Variants in CHST11 observed in about 807,000 individuals in gnomAD.
CHST11 encodes carbohydrate sulfotransferase 11, also known as C4S-1.
In CHST11, 9 loss-of-function variants were observed where a neutral mutation model predicts 30.4. The ratio of observed to expected loss-of-function variants is 0.30; its 90% CI spans 0.18 to 0.52. The LOEUF (loss-of-function observed/expected upper bound fraction) is 0.52. Ranked by LOEUF, CHST11 falls within the 20% of genes least tolerant of loss-of-function variation. The probability of loss-of-function intolerance (pLI) is 0.97; values close to 1 mark genes in which losing one functional copy is unlikely to be tolerated. For missense variants in CHST11, 348 were observed against 460.6 expected (o/e 0.76, Z 2.24); for synonymous variants, 152 against 187.8 (o/e 0.81, Z 1.56).
At chr12:104,512,949 T>C (rs184520118) in intron 1 of CHST11, among the ~76,000 whole-genome samples, 12 of 152,130 alleles carry the variant, frequency 7.9e-5, no homozygotes, top group African/African-American at 2.9e-4. Flanking sequence ...GCCTTAAAAA[T>C]TCCCCAGCAA....
chr12:104,642,300 A>G (rs2039384838), intron 2 of CHST11, among the ~76,000 whole-genome samples: 1 of 152,232 alleles, frequency 6.6e-6, no homozygotes, highest in Admixed American at 6.5e-5. Flanking sequence ...CTCATGAGAC[A>G]TACATGAAAA....
At position 104,486,064 on chromosome 12, in the gene CHST11, G is replaced by A. The variant is rs528433003; in HGVS notation, c.118+28535G>A. On this transcript the variant is annotated intron_variant, in intron 1 of 2. Coordinates refer to ENST00000303694, the MANE Select transcript of CHST11 (RefSeq NM_018413.6). The stretch of plus-strand genomic sequence containing the variant: ...TGCCTGTGTGTGTGTGCCCATCTTC[G>A]TCTTCCTTCCCCTCCCAGCCTTCCC... Among the ~76,000 whole-genome samples, 7 of 152,258 alleles carry A rather than the reference G, an allele frequency of 4.6e-5. No homozygotes were observed. The South Asian group carries it at 6.2e-4, about 14-fold the overall frequency.
At chr12:104,587,147 C>A (rs1381615292) in intron 1 of CHST11, among the ~76,000 whole-genome samples, 1 of 152,132 alleles carries the variant, frequency 6.6e-6, no homozygotes, top group African/African-American at 2.4e-5. Context: ...ACTGTGATGA[C>A]AGTGGTATAC....
chr12:104,509,477 G>A (rs1278037101), intron 1 of CHST11, among the ~76,000 whole-genome samples: 1 of 152,140 alleles, frequency 6.6e-6, no homozygotes, highest in Non-Finnish European at 1.5e-5. Flanking sequence ...TGAGTCTCCT[G>A]TTTTCCCCTA....
chr12:104,706,998 G>A (rs1302946962), intron 2 of CHST11, among the ~76,000 whole-genome samples: 3 of 152,194 alleles, frequency 2.0e-5, no homozygotes, highest in East Asian at 3.9e-4. Flanking sequence ...CGGGACAGTC[G>A]TCCTCCCACC....
intron 1 of CHST11, among the ~76,000 whole-genome samples, chr12:104,485,973 C>T (rs1026224567): frequency 2.6e-5 from 4 of 152,180 alleles, no homozygotes; most frequent in Non-Finnish European, 5.9e-5. Context: ...CATAAGTCAT[C>T]GCACCATTCT....
intron 1 of CHST11, among the ~76,000 whole-genome samples, chr12:104,572,748 C>T (rs988151703): frequency 2.0e-5 from 3 of 152,038 alleles, no homozygotes; most frequent in Admixed American, 1.3e-4. Flanking sequence ...TATTTCTTGC[C>T]TTCTGCTAGC....
intron 2 of CHST11, among the ~76,000 whole-genome samples, chr12:104,679,209 A>G (rs1245883060): frequency 6.6e-6 from 1 of 152,194 alleles, no homozygotes; most frequent in Non-Finnish European, 1.5e-5. Flanking sequence ...CAAGATTCCA[A>G]CCCAGAAAGT....
intron 2 of CHST11, among the ~76,000 whole-genome samples, chr12:104,746,475 C>T (rs1013104660): frequency 7.2e-5 from 11 of 152,190 alleles, no homozygotes; most frequent in Admixed American, 1.3e-4. Context: ...CTGAGGCTGG[C>T]TTGGGGGCTG....
At chr12:104,660,414 C>A (rs2039588541) in intron 2 of CHST11, among the ~76,000 whole-genome samples, 1 of 152,200 alleles carries the variant, frequency 6.6e-6, no homozygotes. Flanking sequence ...GATGGCAGAG[C>A]CACCGTCTTG....
chr12:104,495,265 C>T (rs1859574335), intron 1 of CHST11, among the ~76,000 whole-genome samples: 1 of 152,134 alleles, frequency 6.6e-6, no homozygotes, highest in Non-Finnish European at 1.5e-5. Context: ...GTTGTGGATA[C>T]TGCTGCTGTG....
chr12:104,761,464 T>TACACACACACACACACACACACACACAC lies in CHST11; in HGVS notation c.*3671_*3698dup, dbSNP rs140486952. Reference sequence around the variant, plus strand: ...CTTGCTTTCCTAGCCAGTCCTCCCCTACACACACACACACACACACACACA... The same window carrying TACACACACACACACACACACACACACAC: ...CTTGCTTTCCTAGCCAGTCCTCCCCTACACACACACACACACACACACACACACACACACACACACACACACACACACA... On this transcript the variant is annotated 3_prime_UTR_variant, in exon 3 of 3. Transcript: ENST00000303694. The TACACACACACACACACACACACACACAC allele has an allele frequency of 3.5e-5, 5 of 142,830 alleles. No homozygotes were observed. The highest frequency in any genetic ancestry group is 1.4e-4 in the African/African-American group (5 of 36,614). 8.8% of individuals were successfully genotyped at this position (142,830 alleles called of 1,614,324 possible). A position where few individuals can be genotyped will look rare whatever the true frequency, so the allele number is the denominator to read the frequency against.
At chr12:104,498,514 G>A (rs1487978381) in intron 1 of CHST11, among the ~76,000 whole-genome samples, 1 of 152,186 alleles carries the variant, frequency 6.6e-6, no homozygotes, top group African/African-American at 2.4e-5. Context: ...AAGAACAAAG[G>A]GATGTGTACA....
At chr12:104,544,125 T>TA (rs60776273) in intron 1 of CHST11, among the ~76,000 whole-genome samples, 37 of 97,390 alleles carry the variant, frequency 3.8e-4, no homozygotes, top group African/African-American at 5.2e-4. Flanking sequence ...CCCTGTCTGT[T>TA]AAAAAAAAAA....
intron 1 of CHST11, among the ~76,000 whole-genome samples, chr12:104,536,520 G>A (rs1215737332): frequency 2.0e-5 from 3 of 152,132 alleles, no homozygotes; most frequent in African/African-American, 2.4e-5. Flanking sequence ...GTTCTTCCAC[G>A]TCATCCACAG....
intron 1 of CHST11, among the ~76,000 whole-genome samples, chr12:104,465,319 G>C (rs2037447212): frequency 6.6e-6 from 1 of 152,196 alleles, no homozygotes; most frequent in South Asian, 2.1e-4. Context: ...CTTGTAGTTA[G>C]TATTTGTCTG....
chr12:104,632,230 G>C (rs1184516525), intron 2 of CHST11, among the ~76,000 whole-genome samples: 2 of 152,114 alleles, frequency 1.3e-5, no homozygotes, highest in Admixed American at 6.5e-5. Flanking sequence ...GTGATGATAT[G>C]GGGGAAGGAT....
chr12:104,638,264 A>G (rs2136072849), intron 2 of CHST11, among the ~76,000 whole-genome samples: 1 of 152,280 alleles, frequency 6.6e-6, no homozygotes, highest in Non-Finnish European at 1.5e-5. Flanking sequence ...ATGTGAAAGG[A>G]GAAAAATATT....
chr12:104,660,491 A>C (rs1197885897), intron 2 of CHST11, among the ~76,000 whole-genome samples: 1 of 152,218 alleles, frequency 6.6e-6, no homozygotes, highest in Non-Finnish European at 1.5e-5. Context: ...AGAGAAACCA[A>C]CTTTGTATGG....
Sources: gnomAD v4.1 joint callset for allele counts (sites outside exome capture counted in the v4.1 genomes callset) on GRCh38, gnomAD v4.1.1 for gene constraint, MANE v1.5 for transcripts, NCBI Gene and HGNC (gene_info 2026-07-23, HGNC 2026-07-21) for gene names.